CDC73: variants seen among roughly 807,000 people sequenced by gnomAD.
CDC73 encodes the protein cell division cycle 73.
CDC73 carries 21 observed loss-of-function variants against 83.7 expected under a neutral mutation model. The ratio of observed to expected loss-of-function variants is 0.25; its 90% CI spans 0.18 to 0.36. The LOEUF (loss-of-function observed/expected upper bound fraction) is 0.36. CDC73 is among the 10% of genes least tolerant of loss of function. The probability of loss-of-function intolerance (pLI) is 1.00; values close to 1 mark genes in which losing one functional copy is unlikely to be tolerated. For missense variants in CDC73, 342 were observed against 653.3 expected (o/e 0.52, Z 5.19); for synonymous variants, 224 against 212.9 (o/e 1.05, Z -0.45).
Position 193,135,599 on chromosome 1 carries a change from CTG to C in CDC73, c.423+12_423+13del, listed in dbSNP as rs770561055. The C allele has an allele frequency of 9.4e-6, 15 of 1,593,590 alleles. No individual in the cohort carries two copies. The highest frequency in any genetic ancestry group is 3.3e-5 in the South Asian group (3 of 90,280). On this transcript the variant is annotated intron_variant, in intron 5 of 16. Coordinates refer to ENST00000367435, the MANE Select transcript of CDC73 (RefSeq NM_024529.5). ...GAAACCACGAATTGAGGTAAAGAAA[CTG>C]TATTTTAAACAATTTTATTTATATT...
chr1:193,203,108 AAC>A (rs1677120139), intron 10 of CDC73, among the ~76,000 whole-genome samples: 1 of 152,132 alleles, frequency 6.6e-6, no homozygotes, highest in African/African-American at 2.4e-5. Context: ...TTGCACTAAA[AAC>A]AGACATTTTA....
chr1:193,146,619 A>G (rs1338490952), intron 7 of CDC73, among the ~76,000 whole-genome samples: 3 of 152,326 alleles, frequency 2.0e-5, no homozygotes, highest in East Asian at 1.9e-4. Context: ...GTGGAGCCCT[A>G]TGACCTACCT....
chr1:193,148,144 G>A (rs187055344), intron 8 of CDC73, among the ~76,000 whole-genome samples, 179 bp downstream of exon 8: 38 of 152,328 alleles, frequency 2.5e-4, no homozygotes, highest in Non-Finnish European at 4.7e-4. Flanking sequence ...TACTTCAGCA[G>A]TAATTCTTAA....
At chr1:193,199,982 A>AGCAGGATTTGGGAGAAT in intron 10 of CDC73, among the ~76,000 whole-genome samples, 1 of 151,398 alleles carries the variant, frequency 6.6e-6, no homozygotes, top group South Asian at 2.1e-4. Context: ...GGTGGTACAC[A>AGCAGGATTTGGGAGAAT]CCTGTAATCC....
intron 11 of CDC73, among the ~76,000 whole-genome samples, chr1:193,210,383 T>A (rs1677256536): frequency 2.6e-5 from 4 of 152,216 alleles, no homozygotes; most frequent in Admixed American, 2.6e-4. Context: ...AATTAGAATT[T>A]TAAGTCTCCT....
At position 193,241,805 on chromosome 1, in the gene CDC73, G is replaced by A. The variant is rs183869093; in HGVS notation, c.1417+5449G>A. Among the ~76,000 whole-genome samples, 963 of 152,326 alleles carry A rather than the reference G, an allele frequency of 6.3e-3. 4 individuals are homozygous for A. Among genetic ancestry groups the A allele is most frequent in the Non-Finnish European group, 9.6e-3 (653 of 68,026 alleles). On this transcript the variant is annotated intron_variant, in intron 15 of 16. Transcript: ENST00000367435. The stretch of plus-strand genomic sequence containing the variant: ...CACTGCTAGGGCGGCAGAAGGGGAG[G>A]ACAGAGCCCAGCCAAGTTGGCCTGT...
At chr1:193,230,058 A>G (rs915303182) in intron 13 of CDC73, among the ~76,000 whole-genome samples, 2 of 152,022 alleles carry the variant, frequency 1.3e-5, no homozygotes, top group African/African-American at 4.8e-5. Context: ...AAAATGTTGT[A>G]TATTCAAAAA....
intron 7 of CDC73, among the ~76,000 whole-genome samples, chr1:193,145,300 G>C (rs1392788190): frequency 6.6e-6 from 1 of 152,134 alleles, no homozygotes; most frequent in Non-Finnish European, 1.5e-5. Context: ...TGATATCAAA[G>C]AAGACTATCC....
At chr1:193,157,483 A>T (rs1676227695) in intron 10 of CDC73, among the ~76,000 whole-genome samples, 1 of 152,176 alleles carries the variant, frequency 6.6e-6, no homozygotes, top group East Asian at 1.9e-4. Flanking sequence ...TAAAAATTAG[A>T]GCTTGTCACA....
At chr1:193,204,901 T>C (rs983601091) in intron 11 of CDC73, among the ~76,000 whole-genome samples, 4 of 152,234 alleles carry the variant, frequency 2.6e-5, no homozygotes, top group African/African-American at 4.8e-5. Context: ...CACAGAATTA[T>C]AATTTTAATA....
At chr1:193,140,144 A>G (rs749611476) in intron 6 of CDC73, among the ~76,000 whole-genome samples, 1 of 152,110 alleles carries the variant, frequency 6.6e-6, no homozygotes, top group African/African-American at 2.4e-5. Context: ...TGTCTTGGAA[A>G]CTTACAGGCA....
intron 13 of CDC73, among the ~76,000 whole-genome samples, chr1:193,217,677 G>T (rs1572205726): frequency 6.6e-6 from 1 of 152,202 alleles, no homozygotes; most frequent in East Asian, 1.9e-4. Context: ...AGGGTCTTGG[G>T]TTTTTATAGG....
intron 10 of CDC73, among the ~76,000 whole-genome samples, chr1:193,167,573 C>A (rs1403756348): frequency 6.6e-6 from 1 of 152,104 alleles, no homozygotes; most frequent in Non-Finnish European, 1.5e-5. Context: ...TTAATCAAAT[C>A]AAATTTAATT....
intron 11 of CDC73, among the ~76,000 whole-genome samples, chr1:193,204,239 GTA>G (rs1165046370): frequency 5.2e-5 from 7 of 133,704 alleles, no homozygotes; most frequent in African/African-American, 2.0e-4. Context: ...ATATATACAC[GTA>G]TATATATGTG....
chr1:193,222,983 G>A (rs1282960386), intron 13 of CDC73, among the ~76,000 whole-genome samples: 3 of 151,864 alleles, frequency 2.0e-5, no homozygotes, highest in Non-Finnish European at 4.4e-5. Context: ...CTGATCTTAA[G>A]CCTATCCATT....
At chr1:193,141,305 GA>G (rs2103125835) in intron 6 of CDC73, among the ~76,000 whole-genome samples, 1 of 152,184 alleles carries the variant, frequency 6.6e-6, no homozygotes, top group South Asian at 2.1e-4. Flanking sequence ...CAAGAAAAGG[GA>G]AGAAAAAGAA....
At position 193,254,048 on chromosome 1, in the gene CDC73, TAGAA is replaced by T. The variant is rs2102078009; in HGVS notation, c.*3339_*3342del. ...ATAAAAGCTAGTCAAATTAATGGCT[TAGAA>T]AGTAGCTGTAAACTTTGTGTTTTGA... On this transcript the variant is annotated 3_prime_UTR_variant, in exon 17 of 17. Transcript: ENST00000367435. 8.9e-6 allele frequency: 2 copies of T among 224,106 alleles called. No homozygotes were observed. The highest frequency in any genetic ancestry group is 5.7e-5 in the Admixed American group (1 of 17,510). 13.9% of individuals were successfully genotyped at this position (224,106 alleles called of 1,614,324 possible).
intron 14 of CDC73, among the ~76,000 whole-genome samples, chr1:193,235,655 T>G (rs971163913): frequency 5.3e-5 from 8 of 152,172 alleles, no homozygotes; most frequent in Admixed American, 5.2e-4. Flanking sequence ...AAAAAAATGC[T>G]TTAAAAACTA....
At chr1:193,235,789 C>A (rs987211976) in intron 14 of CDC73, among the ~76,000 whole-genome samples, 1 of 152,082 alleles carries the variant, frequency 6.6e-6, no homozygotes, top group Admixed American at 6.6e-5. Flanking sequence ...GCCCTGGGAC[C>A]TCGTAAAATG....
Sources: allele counts gnomAD v4.1 joint callset (sites outside exome capture counted in the v4.1 genomes callset), GRCh38; gene constraint gnomAD v4.1.1; transcripts MANE v1.5; gene names NCBI Gene and HGNC (gene_info 2026-07-23, HGNC 2026-07-21).